The following PAPPA2 variants were observed in gnomAD, a reference collection of about 807,000 sequenced individuals.
PAPPA2 encodes the protein pappalysin-2.
Under a neutral mutation model 176.4 loss-of-function variants are expected in PAPPA2, and 86 were observed. The observed-to-expected ratio is 0.49, with a 90% CI of 0.41 to 0.58. PAPPA2 has a LOEUF of 0.58. PAPPA2 is among the 20% of genes least tolerant of loss of function. The pLI is 0.00. For synonymous variants in PAPPA2, 809 were observed against 852.2 expected, an observed-to-expected ratio of 0.95 and a Z score of 0.88; for missense variants, 2,073 against 2,256.9, an observed-to-expected ratio of 0.92 and a Z score of 1.65.
At chr1:176,774,003 G>A (rs1664345086) in intron 17 of PAPPA2, among the ~76,000 whole-genome samples, 1 of 151,988 alleles carries the variant, frequency 6.6e-6, no homozygotes, top group Non-Finnish European at 1.5e-5. Context: ...ATAAGACCTG[G>A]GCTGTCCAAT....
chr1:176,600,029 G>A (rs751675975), intron 3 of PAPPA2, among the ~76,000 whole-genome samples: 51 of 151,972 alleles, frequency 3.4e-4, no homozygotes, highest in Non-Finnish European at 5.7e-4. Context: ...AATTTTTTAT[G>A]ACTCTTGGCA....
intron 1 of PAPPA2, among the ~76,000 whole-genome samples, chr1:176,487,675 A>G (rs144810762): frequency 6.6e-6 from 1 of 151,006 alleles, no homozygotes; most frequent in African/African-American, 2.5e-5. Context: ...GAGTGTGACT[A>G]TTACAAGGGC....
intron 1 of PAPPA2, among the ~76,000 whole-genome samples, chr1:176,492,183 G>C (rs1019670497): frequency 1.3e-5 from 2 of 152,184 alleles, no homozygotes. Flanking sequence ...GCCCAGTGCT[G>C]TATGTCTCCC....
chr1:176,832,897 AT>A (rs1667131387), intron 21 of PAPPA2, among the ~76,000 whole-genome samples: 1 of 152,144 alleles, frequency 6.6e-6, no homozygotes, highest in African/African-American at 2.4e-5. Flanking sequence ...TCAAATGTAG[AT>A]AAGCTGATTA....
chr1:176,471,204 T>A (rs747742568), intron 1 of PAPPA2, among the ~76,000 whole-genome samples: 1 of 152,128 alleles, frequency 6.6e-6, no homozygotes, highest in African/African-American at 2.4e-5. Context: ...TTGACTGTCT[T>A]GGGCCTGAGG....
chr1:176,842,306 A>G, intron 22 of PAPPA2, 74 bp from the exon 23 acceptor site: 1 of 1,376,972 alleles, frequency 7.3e-7, no homozygotes, highest in Non-Finnish European at 1.0e-6. Flanking sequence ...CCAAGTGAGG[A>G]AAGTGAAAGC....
At chr1:176,506,234 G>T (rs778648417) in intron 1 of PAPPA2, among the ~76,000 whole-genome samples, 6 of 152,080 alleles carry the variant, frequency 3.9e-5, no homozygotes, top group Non-Finnish European at 8.8e-5. Context: ...CCAATACCAT[G>T]CTGTTTTGGT....
intron 17 of PAPPA2, among the ~76,000 whole-genome samples, chr1:176,778,282 A>C (rs1252864063): frequency 1.3e-5 from 2 of 152,196 alleles, no homozygotes. Flanking sequence ...GTGGCTTCAA[A>C]TAGATCAAGG....
intron 2 of PAPPA2, among the ~76,000 whole-genome samples, chr1:176,583,415 G>T (rs1236550292): frequency 1.3e-5 from 2 of 151,880 alleles, no homozygotes; most frequent in East Asian, 1.9e-4. Context: ...TTGGTATGTT[G>T]TGTTTCTATT....
At chr1:176,647,481 T>C (rs1475094376) in intron 3 of PAPPA2, among the ~76,000 whole-genome samples, 1 of 151,612 alleles carries the variant, frequency 6.6e-6, no homozygotes, top group Non-Finnish European at 1.5e-5. Context: ...TCAAGAAATC[T>C]TAGCCCAGTC....
At chr1:176,752,219 C>T (rs1663210403) in intron 14 of PAPPA2, among the ~76,000 whole-genome samples, 1 of 130,792 alleles carries the variant, frequency 7.6e-6, no homozygotes, top group Admixed American at 7.9e-5. Context: ...GGAGGGATAG[C>T]ATTGGGAGAT....
intron 21 of PAPPA2, among the ~76,000 whole-genome samples, chr1:176,810,900 A>G (rs1666119514): frequency 1.3e-5 from 2 of 152,110 alleles, no homozygotes. Flanking sequence ...GAATACATCA[A>G]CACTAAGGTT....
chr1:176,506,337 T>C (rs1179123081), intron 1 of PAPPA2, among the ~76,000 whole-genome samples: 3 of 152,082 alleles, frequency 2.0e-5, no homozygotes, highest in African/African-American at 4.8e-5. Context: ...ATTCAGGCTT[T>C]TTTTTTTCTT....
At chr1:176,670,475 T>C (rs1658927831) in intron 3 of PAPPA2, among the ~76,000 whole-genome samples, 1 of 152,236 alleles carries the variant, frequency 6.6e-6, no homozygotes, top group African/African-American at 2.4e-5. Flanking sequence ...TCTTTTACTT[T>C]ATGTTTTCTA....
At chr1:176,805,741 G>A (rs1174013248) in intron 21 of PAPPA2, among the ~76,000 whole-genome samples, 2 of 152,094 alleles carry the variant, frequency 1.3e-5, no homozygotes, top group Non-Finnish European at 2.9e-5. Flanking sequence ...CCAACACTTT[G>A]AGAGGCTAAA....
rs530352538 is a variant in PAPPA2 at position 176,735,840 on chromosome 1, A to G, written c.3799-3786A>G. 1.8e-4 allele frequency among the ~76,000 whole-genome samples: 27 copies of G among 152,152 alleles called. 1 individual carries two copies. In the South Asian group the frequency reaches 5.6e-3, roughly 32 times the overall value. The stretch of plus-strand genomic sequence containing the variant: ...ATGAATTCACTAAGCTAATTTCACT[A>G]GCAATCCCTCTATCATGATACCAAT... On this transcript the variant is annotated intron_variant, in intron 12 of 22. Transcript: ENST00000367662.
At chr1:176,484,101 T>A (rs557387729) in intron 1 of PAPPA2, among the ~76,000 whole-genome samples, 3 of 152,236 alleles carry the variant, frequency 2.0e-5, no homozygotes, top group Admixed American at 1.3e-4. Context: ...ACCTAGACAC[T>A]GGCATTGTCT....
chr1:176,575,313 C>T (rs1331788029), intron 2 of PAPPA2, among the ~76,000 whole-genome samples: 1 of 152,190 alleles, frequency 6.6e-6, no homozygotes, highest in Non-Finnish European at 1.5e-5. Context: ...AAATATTTAT[C>T]TACGTTTGTC....
chr1:176,468,772 C>T (rs985066419), intron 1 of PAPPA2, among the ~76,000 whole-genome samples: 1 of 152,186 alleles, frequency 6.6e-6, no homozygotes, highest in Admixed American at 6.5e-5. Context: ...TGTGCCCTTT[C>T]TCAAGAAGAG....
Sources: gnomAD v4.1 joint callset for allele counts (sites outside exome capture counted in the v4.1 genomes callset) on GRCh38, gnomAD v4.1.1 for gene constraint, MANE v1.5 for transcripts, NCBI Gene and HGNC (gene_info 2026-07-23, HGNC 2026-07-21) for gene names.